JAM3: variants seen among roughly 807,000 people sequenced by gnomAD.
JAM3 encodes the protein junctional adhesion molecule C.
In JAM3, 31 loss-of-function variants were observed where a neutral mutation model predicts 39.4. The observed-to-expected ratio is 0.79, with a 90% CI of 0.59 to 1.06. The LOEUF (loss-of-function observed/expected upper bound fraction) is 1.06. Ranked by LOEUF, JAM3 falls within the 50% of genes least tolerant of loss-of-function variation. JAM3 has a pLI of 0.00. For synonymous variants in JAM3, 182 were observed against 148.7 expected (o/e 1.22, Z -1.63); for missense variants, 455 against 391.4 (o/e 1.16, Z -1.37).
chr11:134,116,000 G>T (rs936439630), intron 1 of JAM3, among the ~76,000 whole-genome samples: 3 of 152,094 alleles, frequency 2.0e-5, no homozygotes, highest in African/African-American at 7.2e-5. Flanking sequence ...ACATGTTGCT[G>T]GTATTGCTAC....
intron 1 of JAM3, among the ~76,000 whole-genome samples, chr11:134,138,435 G>A (rs988863150): frequency 8.5e-6 from 1 of 117,008 alleles, no homozygotes; most frequent in African/African-American, 3.7e-5. Flanking sequence ...AAATGTTTAT[G>A]GCCAATAGTC....
chr11:134,073,006 T>C (rs1321135374), intron 1 of JAM3, among the ~76,000 whole-genome samples: 2 of 152,224 alleles, frequency 1.3e-5, no homozygotes, highest in Admixed American at 1.3e-4. Context: ...CTCTCAGAAT[T>C]CTAGCAGTAT....
At position 134,151,941 on chromosome 11, in the gene JAM3, G is replaced by A. The variant is rs1032430199; in HGVS notation, c.*2760G>A. The A allele has an allele frequency of 1.3e-5, 2 of 152,170 alleles. No individual in the cohort carries two copies. Among genetic ancestry groups the A allele is most frequent in the African/African-American group, 4.8e-5 (2 of 41,440 alleles). 9.4% of individuals were successfully genotyped at this position (152,170 alleles called of 1,614,324 possible). ...CGCCTCTCCGCCACCGAGCCCACCT[G>A]TGTTGCGGTTCCCACTTGGGATGGC... is the stretch of plus-strand genomic sequence containing the variant. On this transcript the variant is annotated 3_prime_UTR_variant, in exon 9 of 9. Coordinates refer to ENST00000299106, the MANE Select transcript of JAM3 (RefSeq NM_032801.5).
At chr11:134,134,712 G>T (rs1328136077) in intron 1 of JAM3, among the ~76,000 whole-genome samples, 1 of 152,148 alleles carries the variant, frequency 6.6e-6, no homozygotes, top group Non-Finnish European at 1.5e-5. Context: ...CATCCTAATG[G>T]ATGTGAAGTG....
intron 4 of JAM3, 44 bp downstream of exon 4, chr11:134,144,437 A>C: frequency 1.2e-6 from 2 of 1,608,350 alleles, no homozygotes; most frequent in Non-Finnish European, 1.7e-6. Context: ...CATAGGATGC[A>C]AGAGATCAGT....
chr11:134,144,951 T>A lies in JAM3; in HGVS notation c.569T>A (p.Phe190Tyr). The A allele has an allele frequency of 6.2e-7, 1 of 1,614,206 alleles. No individual in the cohort carries two copies. Among genetic ancestry groups the A allele is most frequent in the South Asian group, 1.1e-5 (1 of 91,084 alleles). The change falls in exon 5 of 9, where the codon TTT (phenylalanine) becomes TAT (tyrosine). Residue 190 changes from phenylalanine to tyrosine, a missense_variant. Phe to Tyr is a conservative substitution (Grantham distance 22). Coordinates refer to ENST00000299106, the MANE Select transcript of JAM3 (RefSeq NM_032801.5). ...ACGGATTCCAGAGCCAATCCCAGAT[T>A]TCGCAATTCTTCTTTCCACTTAAAC... is the stretch of plus-strand genomic sequence containing the variant. ...LPTDSRANPR[F>Y]RNSSFHLNSE...
intron 1 of JAM3, among the ~76,000 whole-genome samples, chr11:134,070,991 T>C (rs928263952): frequency 1.6e-4 from 25 of 152,332 alleles, no homozygotes; most frequent in African/African-American, 6.0e-4. Flanking sequence ...TATCTTTTTT[T>C]TAGTAGGGGC....
intron 1 of JAM3, among the ~76,000 whole-genome samples, chr11:134,110,131 T>C (rs968750791): frequency 1.3e-5 from 2 of 152,230 alleles, no homozygotes; most frequent in Non-Finnish European, 1.5e-5. Flanking sequence ...ACTGTGCATC[T>C]ATCAGAATGA....
At chr11:134,093,642 A>G (rs982324607) in intron 1 of JAM3, among the ~76,000 whole-genome samples, 1 of 115,570 alleles carries the variant, frequency 8.7e-6, no homozygotes, top group East Asian at 3.3e-4. Context: ...TCCATCTTAC[A>G]TGTCACTTCC....
intron 4 of JAM3, 53 bp downstream of exon 4, chr11:134,144,446 G>C (rs1424588400): frequency 2.5e-6 from 4 of 1,598,730 alleles, no homozygotes; most frequent in Non-Finnish European, 3.4e-6. Flanking sequence ...CAAGAGATCA[G>C]TTAGTGTCTT....
intron 1 of JAM3, among the ~76,000 whole-genome samples, chr11:134,137,375 G>C (rs564669579): frequency 6.6e-6 from 1 of 152,290 alleles, no homozygotes; most frequent in East Asian, 1.9e-4. Context: ...CAATCAGCCT[G>C]TATCTCCTTA....
chr11:134,138,607 G>T (rs1336081772), intron 1 of JAM3, among the ~76,000 whole-genome samples: 1 of 152,244 alleles, frequency 6.6e-6, no homozygotes, highest in Non-Finnish European at 1.5e-5. Context: ...TCATTTTGAA[G>T]GAGAAGTAGA....
intron 1 of JAM3, among the ~76,000 whole-genome samples, chr11:134,121,837 A>G (rs1942539073): frequency 2.0e-5 from 3 of 152,184 alleles, no homozygotes; most frequent in Non-Finnish European, 2.9e-5. Context: ...ACACACACAC[A>G]CACACACACA....
intron 1 of JAM3, among the ~76,000 whole-genome samples, chr11:134,102,840 C>G (rs776851012): frequency 4.6e-5 from 7 of 152,128 alleles, no homozygotes; most frequent in Non-Finnish European, 1.0e-4. Flanking sequence ...CAAACACAAC[C>G]TCCAAGAAAT....
intron 1 of JAM3, among the ~76,000 whole-genome samples, chr11:134,092,565 T>C (rs1294027121): frequency 6.9e-6 from 1 of 144,852 alleles, no homozygotes; most frequent in East Asian, 2.1e-4. Context: ...TCATTTTCCA[T>C]CTTACATGTC....
chr11:134,134,398 C>CAAAAACAAAAAA (rs1942823273), intron 1 of JAM3, among the ~76,000 whole-genome samples: 1 of 31,922 alleles, frequency 3.1e-5, no homozygotes, highest in Non-Finnish European at 5.5e-5. Context: ...GGATAAATGC[C>CAAAAACAAAAAA]AAAAAAAAAA....
intron 1 of JAM3, among the ~76,000 whole-genome samples, chr11:134,132,982 C>A (rs1021575605): frequency 6.6e-6 from 1 of 152,214 alleles, no homozygotes; most frequent in African/African-American, 2.4e-5. Context: ...TCTCTCCAAT[C>A]TGGAGACAGT....
chr11:134,089,726 G>A (rs1322469931), intron 1 of JAM3, among the ~76,000 whole-genome samples: 1 of 152,154 alleles, frequency 6.6e-6, no homozygotes, highest in African/African-American at 2.4e-5. Flanking sequence ...CATTTGGGTT[G>A]GTTCCAAGTC....
At chr11:134,081,672 G>C (rs1467278530) in intron 1 of JAM3, among the ~76,000 whole-genome samples, 2 of 152,240 alleles carry the variant, frequency 1.3e-5, no homozygotes, top group African/African-American at 4.8e-5. Context: ...GGCTCTCATA[G>C]AGATCATCTG....
Sources: gnomAD v4.1 joint callset for allele counts (sites outside exome capture counted in the v4.1 genomes callset) on GRCh38, gnomAD v4.1.1 for gene constraint, MANE v1.5 for transcripts, NCBI Gene and HGNC (gene_info 2026-07-23, HGNC 2026-07-21) for gene names.